The following CLTCL1 variants were observed in gnomAD, a reference collection of about 807,000 sequenced individuals.
The protein encoded by CLTCL1 is clathrin heavy chain like 1.
In CLTCL1, 159 loss-of-function variants were observed where a neutral mutation model predicts 190.0. The ratio of observed to expected loss-of-function variants is 0.84; its 90% CI spans 0.74 to 0.95. The LOEUF is 0.95. Ranked by LOEUF, CLTCL1 falls within the 40% of genes least tolerant of loss-of-function variation. The pLI is 0.00. For synonymous variants in CLTCL1, 752 were observed against 769.6 expected, an observed-to-expected ratio of 0.98 and a Z score of 0.38; for missense variants, 1,878 against 2,033.4, an observed-to-expected ratio of 0.92 and a Z score of 1.47.
chr22:19,271,382 A>G (rs1021660482), intron 2 of CLTCL1, among the ~76,000 whole-genome samples: 1 of 152,024 alleles, frequency 6.6e-6, no homozygotes, highest in Non-Finnish European at 1.5e-5. Flanking sequence ...TCTGATGGGT[A>G]TAAGTGTGTG....
intron 11 of CLTCL1, among the ~76,000 whole-genome samples, chr22:19,227,675 G>A (rs1457345812): frequency 3.9e-5 from 6 of 151,952 alleles, no homozygotes; most frequent in African/African-American, 9.7e-5. Flanking sequence ...GGCTGGTCTC[G>A]ATCTCTTGAC....
In CLTCL1 at chr22:19,215,851, G is replaced by A. The variant is rs5748047; in HGVS notation, c.3065+260C>T. Among the ~76,000 whole-genome samples, 963 of 152,286 alleles carry A rather than the reference G, an allele frequency of 6.3e-3. 8 individuals are homozygous for A. The highest frequency in any genetic ancestry group is 0.022 in the African/African-American group (925 of 41,552). On this transcript the variant is annotated intron_variant, in intron 19 of 32. Coordinates refer to ENST00000427926, the MANE Select transcript of CLTCL1 (RefSeq NM_007098.4). The stretch of plus-strand genomic sequence containing the variant: ...CCCTTTCTCTGAGCATTGTGTTAAA[G>A]GACAGTGTGGGCCAGAGCAGTAAGA...
rs1041768287 is a variant in CLTCL1, at chr22:19,291,689, C to T, written c.-48G>A. 4.5e-6 allele frequency: 6 copies of T among 1,329,918 alleles called. No individual in the cohort carries two copies. Among genetic ancestry groups the T allele is most frequent in the African/African-American group, 3.1e-5 (2 of 65,320 alleles). 82.4% of individuals were successfully genotyped at this position (1,329,918 alleles called of 1,614,324 possible). A position where few individuals can be genotyped will look rare whatever the true frequency, so the allele number is the denominator to read the frequency against. On this transcript the variant is annotated 5_prime_UTR_variant, in exon 1 of 33. Transcript: ENST00000427926. ...CGGCGGCGGCAGCGGCAGGAATGAA[C>T]GCCGACCCCTCGCGCGGGCTGACCG...
At chr22:19,284,250 C>T (rs1459244321) in intron 1 of CLTCL1, among the ~76,000 whole-genome samples, 1 of 152,220 alleles carries the variant, frequency 6.6e-6, no homozygotes, top group Non-Finnish European at 1.5e-5. Context: ...GTATCTGTCT[C>T]CTTCCCAGTC....
chr22:19,256,354 C>CTTTTTTTTTTT (rs1239133099), intron 2 of CLTCL1, among the ~76,000 whole-genome samples: 1 of 104,340 alleles, frequency 9.6e-6, no homozygotes, highest in Non-Finnish European at 1.9e-5. Context: ...TTTCTTTTAT[C>CTTTTTTTTTTT]TTTTTTTTTT....
chr22:19,207,399 G>A (rs12628491), intron 22 of CLTCL1: 4,706 of 393,690 alleles, frequency 0.012, 89 homozygotes, highest in East Asian at 0.065. Context: ...TAAACAGAAC[G>A]CCTGGATGTA....
intron 6 of CLTCL1, 147 bp from the exon 7 acceptor site, chr22:19,234,853 G>T (rs556823701): frequency 9.4e-6 from 7 of 743,802 alleles, no homozygotes; most frequent in Non-Finnish European, 1.6e-5. Flanking sequence ...ACAGTGAAAG[G>T]AGGCAAAGCA....
chr22:19,206,972 C>T (rs1342087562), intron 22 of CLTCL1, among the ~76,000 whole-genome samples: 3 of 151,336 alleles, frequency 2.0e-5, no homozygotes, highest in Non-Finnish European at 4.4e-5. Context: ...GTTTTCTTCC[C>T]CATTATGTTA....
intron 22 of CLTCL1, among the ~76,000 whole-genome samples, chr22:19,204,385 C>T (rs1392344309): frequency 6.6e-6 from 1 of 152,222 alleles, no homozygotes; most frequent in Admixed American, 6.5e-5. Context: ...GGCTCCTTCC[C>T]AGAGGTGTAC....
At chr22:19,222,202 G>T in intron 15 of CLTCL1, 109 bp from the exon 16 acceptor site, 2 of 1,099,458 alleles carry the variant, frequency 1.8e-6, no homozygotes, top group Non-Finnish European at 2.7e-6. Context: ...CTCCTGTTTA[G>T]CACTGCGCTG....
At chr22:19,213,302 G>C (rs2085290114) in intron 19 of CLTCL1, among the ~76,000 whole-genome samples, 1 of 150,872 alleles carries the variant, frequency 6.6e-6, no homozygotes, top group South Asian at 2.1e-4. Context: ...GACTGGCTAA[G>C]ATAAAAAAAT....
chr22:19,200,442 A>G (rs571223155), intron 23 of CLTCL1, among the ~76,000 whole-genome samples: 1 of 152,346 alleles, frequency 6.6e-6, no homozygotes, highest in South Asian at 2.1e-4. Context: ...ATTACATCAT[A>G]CATTCTGCAT....
At chr22:19,190,784 T>C (rs1291332146) in intron 27 of CLTCL1, among the ~76,000 whole-genome samples, 1 of 151,706 alleles carries the variant, frequency 6.6e-6, no homozygotes, top group Admixed American at 6.6e-5. Flanking sequence ...TCTTTTTTTT[T>C]TTTTTTCTTT....
chr22:19,281,979 C>T (rs1056941457), intron 1 of CLTCL1, among the ~76,000 whole-genome samples: 4 of 152,122 alleles, frequency 2.6e-5, no homozygotes, highest in Admixed American at 2.6e-4. Flanking sequence ...CTATTAGAAT[C>T]AGATTAAATT....
intron 31 of CLTCL1, 36 bp from the exon 32 acceptor site, chr22:19,180,274 C>T (rs1459657728): frequency 1.9e-6 from 3 of 1,612,786 alleles, no homozygotes; most frequent in East Asian, 4.5e-5. Context: ...GGTGGAAGGA[C>T]ACACTCAGCC....
chr22:19,199,630 T>C, intron 24 of CLTCL1, 104 bp downstream of exon 24: 1 of 756,458 alleles, frequency 1.3e-6, no homozygotes, highest in Non-Finnish European at 2.1e-6. Context: ...TATTTGCAGA[T>C]GCAACACTGT....
At chr22:19,191,082 G>A (rs1050346357) in intron 27 of CLTCL1, among the ~76,000 whole-genome samples, 4 of 152,082 alleles carry the variant, frequency 2.6e-5, no homozygotes, top group South Asian at 2.1e-4. Flanking sequence ...GGCCACAAAC[G>A]GCTAATCTTT....
intron 2 of CLTCL1, among the ~76,000 whole-genome samples, chr22:19,268,637 T>G (rs2087199870): frequency 6.6e-6 from 1 of 152,036 alleles, no homozygotes; most frequent in Non-Finnish European, 1.5e-5. Context: ...GAAATACAAA[T>G]TAAAACTGCA....
chr22:19,255,890 A>T (rs1223602755), intron 2 of CLTCL1, among the ~76,000 whole-genome samples: 11 of 150,746 alleles, frequency 7.3e-5, no homozygotes, highest in African/African-American at 2.4e-4. Flanking sequence ...AGCCTGACCG[A>T]CAGAGTAAGA....
Sources: gnomAD v4.1 joint callset for allele counts (sites outside exome capture counted in the v4.1 genomes callset) on GRCh38, gnomAD v4.1.1 for gene constraint, MANE v1.5 for transcripts, NCBI Gene and HGNC (gene_info 2026-07-23, HGNC 2026-07-21) for gene names.